The following LYRM4 variants were observed in gnomAD, a reference collection of about 807,000 sequenced individuals.
LYRM4 encodes the protein LYR motif-containing protein 4.
Under a neutral mutation model 11.7 loss-of-function variants are expected in LYRM4, and 9 were observed. The observed-to-expected ratio is 0.77, with a 90% CI of 0.46 to 1.34. The LOEUF is 1.34. Among genes scored for constraint, LYRM4 ranks in the 40% most tolerant of loss-of-function variants. The probability of loss-of-function intolerance (pLI) is 0.00; values close to 1 mark genes in which losing one functional copy is unlikely to be tolerated. For synonymous variants in LYRM4, 42 were observed against 40.4 expected, an observed-to-expected ratio of 1.04 and a Z score of -0.15; for missense variants, 133 against 112.5, an observed-to-expected ratio of 1.18 and a Z score of -0.82.
intron 2 of LYRM4, among the ~76,000 whole-genome samples, chr6:5,168,356 C>A (rs996128709): frequency 6.6e-6 from 1 of 152,156 alleles, no homozygotes; most frequent in Non-Finnish European, 1.5e-5. Context: ...CAAGCAAATG[C>A]TGAAAGTTGG....
chr6:5,063,926 C>T, the LYRM4 span, among the ~76,000 whole-genome samples: 4 of 152,250 alleles, frequency 2.6e-5, no homozygotes, highest in South Asian at 2.1e-4. Context: ...GGCCTCTGGG[C>T]GAAGGGGTTG....
rs73363056 is a variant in LYRM4 at position 5,196,019 on chromosome 6, G to A, written c.207+20599C>T. Among the ~76,000 whole-genome samples, 237 of 152,228 alleles carry A rather than the reference G, an allele frequency of 1.6e-3. 4 individuals carry two copies. The highest frequency in any genetic ancestry group is 5.5e-3 in the African/African-American group (228 of 41,528). ...AAGCATCATCATAAGCTCTTGTCAC[G>A]TATTAGTTTGTGAATCCTCCTAATG... On this transcript the variant is annotated intron_variant, in intron 2 of 2. Coordinates refer to ENST00000330636, the MANE Select transcript of LYRM4 (RefSeq NM_020408.6).
At chr6:5,052,628 A>G in the LYRM4 span, among the ~76,000 whole-genome samples, 2 of 152,236 alleles carry the variant, frequency 1.3e-5, no homozygotes, top group Non-Finnish European at 2.9e-5. Flanking sequence ...GTAGTTTTAA[A>G]GATGAAAAAT....
At chr6:5,110,534 C>T (rs1039498725) in intron 2 of LYRM4, among the ~76,000 whole-genome samples, 7 of 152,078 alleles carry the variant, frequency 4.6e-5, no homozygotes, top group South Asian at 4.2e-4. Flanking sequence ...CTTGAAGGTC[C>T]GTGGCATGGA....
intron 2 of LYRM4, among the ~76,000 whole-genome samples, chr6:5,119,427 T>C (rs908861447): frequency 6.6e-6 from 1 of 152,122 alleles, no homozygotes; most frequent in Non-Finnish European, 1.5e-5. Context: ...CACGCAGTTG[T>C]CCTCACTCTT....
intron 1 of LYRM4, among the ~76,000 whole-genome samples, chr6:5,226,527 G>A (rs984481076): frequency 6.6e-6 from 1 of 152,162 alleles, no homozygotes; most frequent in African/African-American, 2.4e-5. Flanking sequence ...TGGGATTACA[G>A]GCATGTGCCA....
the LYRM4 span, among the ~76,000 whole-genome samples, chr6:5,041,266 A>G: frequency 6.6e-6 from 1 of 152,170 alleles, no homozygotes; most frequent in South Asian, 2.1e-4. Context: ...TGTGGTTTAT[A>G]GGCTATGTTT....
intron 2 of LYRM4, among the ~76,000 whole-genome samples, chr6:5,118,360 G>C (rs1378334526): frequency 2.6e-5 from 4 of 151,942 alleles, no homozygotes; most frequent in Non-Finnish European, 5.9e-5. Context: ...CAGGTGATCC[G>C]CCTGACTCGG....
chr6:5,040,316 A>AATAGATAG, the LYRM4 span, among the ~76,000 whole-genome samples: 28,412 of 124,610 alleles, frequency 0.23, 3,846 homozygotes, highest in East Asian at 0.44. Flanking sequence ...TATCTCTAAC[A>AATAGATAG]ATAGATAGAT....
At chr6:5,080,197 G>A in the LYRM4 span, among the ~76,000 whole-genome samples, 9 of 152,224 alleles carry the variant, frequency 5.9e-5, no homozygotes, top group African/African-American at 2.2e-4. Context: ...AGTATTCAAG[G>A]TGGAGTACAT....
At chr6:5,173,736 T>C (rs1014932771) in intron 2 of LYRM4, among the ~76,000 whole-genome samples, 1 of 152,268 alleles carries the variant, frequency 6.6e-6, no homozygotes, top group African/African-American at 2.4e-5. Context: ...GCTCTGAGTG[T>C]ACGGCTCATG....
chr6:5,048,119 G>A, the LYRM4 span, among the ~76,000 whole-genome samples: 2 of 152,150 alleles, frequency 1.3e-5, no homozygotes, highest in Admixed American at 6.5e-5. Flanking sequence ...TTAAAGTTAT[G>A]AGCATTCGTA....
At chr6:5,052,853 C>G in the LYRM4 span, among the ~76,000 whole-genome samples, 2 of 152,210 alleles carry the variant, frequency 1.3e-5, no homozygotes, top group East Asian at 3.8e-4. Context: ...CACTCCTACT[C>G]ACTTCACTTT....
chr6:5,064,171 T>C, the LYRM4 span, among the ~76,000 whole-genome samples: 1 of 150,942 alleles, frequency 6.6e-6, no homozygotes, highest in South Asian at 2.1e-4. Flanking sequence ...GTCAAGGTTT[T>C]TGGAATTTTA....
At chr6:5,073,295 G>A in the LYRM4 span, among the ~76,000 whole-genome samples, 2,605 of 152,032 alleles carry the variant, frequency 0.017, 58 homozygotes, top group African/African-American at 0.055. Context: ...ATTTGAACCC[G>A]GGAAGTGGAG....
At position 5,260,659 on chromosome 6, in the gene LYRM4, G is replaced by C. The variant is rs749300361; in HGVS notation, c.75C>G (p.Ala25=). 2 of 1,539,662 alleles carry C rather than the reference G, an allele frequency of 1.3e-6. No homozygotes were observed. Among genetic ancestry groups the C allele is most frequent in the African/African-American group, 2.8e-5 (2 of 72,706 alleles). ...GCCCGCTGGGTCACCTGTAATTGTA[G>C]GCGCTGAAACGCTTGCTCTCTCTCA... is the stretch of plus-strand genomic sequence containing the variant. ...AMLRESKRFS[A]YNYRTYAVRR... The change falls in exon 1 of 3, where the codon GCC becomes GCG. Residue 25 remains alanine (A), a synonymous_variant. Coordinates refer to ENST00000330636, the MANE Select transcript of LYRM4 (RefSeq NM_020408.6).
chr6:5,077,586 TA>T, the LYRM4 span, among the ~76,000 whole-genome samples: 5 of 152,190 alleles, frequency 3.3e-5, no homozygotes, highest in African/African-American at 9.7e-5. Context: ...AGTTAAATTT[TA>T]AAAAACTATG....
chr6:5,099,272 G>A (rs561671852), downstream of LYRM4, among the ~76,000 whole-genome samples: 6 of 150,832 alleles, frequency 4.0e-5, no homozygotes, highest in East Asian at 1.2e-3. This position sits in a 1 kb window ranked among gnomAD's most constrained non-coding sequence, Gnocchi z 4.3. Context: ...GCATGATCTC[G>A]GCTCACTGCA....
At chr6:5,198,147 G>A (rs1051417212) in intron 2 of LYRM4, among the ~76,000 whole-genome samples, 1 of 152,130 alleles carries the variant, frequency 6.6e-6, no homozygotes, top group African/African-American at 2.4e-5. Context: ...ACAGTGAACC[G>A]AGATTGCACC....
Sources: allele counts gnomAD v4.1 joint callset (sites outside exome capture counted in the v4.1 genomes callset), GRCh38; gene constraint gnomAD v4.1.1; non-coding constraint Gnocchi (gnomAD v3.1); transcripts MANE v1.5; gene names NCBI Gene and HGNC (gene_info 2026-07-23, HGNC 2026-07-21).